Variants in C1QTNF7 observed in about 807,000 individuals in gnomAD.
C1QTNF7 encodes C1q and TNF related 7, also known as complement C1q tumor necrosis factor-related protein 7.
A neutral mutation model predicts 19.6 loss-of-function variants in C1QTNF7; 15 were observed. The ratio of observed to expected loss-of-function variants is 0.76; its 90% confidence interval spans 0.51 to 1.18. The LOEUF is 1.18. C1QTNF7 is among the 50% of genes most tolerant of loss of function. The pLI is 0.00. For missense variants in C1QTNF7, 324 were observed against 359.7 expected (o/e 0.90, Z 0.80); for synonymous variants, 142 against 137.5 (o/e 1.03, Z -0.23).
rs532900237 is a variant in C1QTNF7 at position 15,410,924 on chromosome 4, G to A, written c.14-24812G>A. On this transcript the variant is annotated intron_variant, in intron 1 of 2. Coordinates refer to the C1QTNF7 transcript ENST00000295297. Reference sequence around the variant, plus strand: ...CTGCTACAATATCAACATCAATTTCGAGTTACAACCCAGAAACAAAACAGA... The same window carrying A: ...CTGCTACAATATCAACATCAATTTCAAGTTACAACCCAGAAACAAAACAGA... Among the ~76,000 whole-genome samples, 81 of 152,256 alleles carry A rather than the reference G, an allele frequency of 5.3e-4. 1 individual carries two copies. The highest frequency in any genetic ancestry group is 1.9e-3 in the African/African-American group (80 of 41,550).
chr4:15,417,802 A>C (rs1719656175), intron 1 of C1QTNF7, among the ~76,000 whole-genome samples: 1 of 152,214 alleles, frequency 6.6e-6, no homozygotes, highest in Non-Finnish European at 1.5e-5. Context: ...TGGTGCTGGC[A>C]TCTGCTTCTG....
intron 1 of C1QTNF7, among the ~76,000 whole-genome samples, chr4:15,433,406 T>C (rs1712410707): frequency 6.6e-6 from 1 of 152,100 alleles, no homozygotes; most frequent in Non-Finnish European, 1.5e-5. Context: ...GCCTGCATCA[T>C]GTATCACCAC....
At chr4:15,432,397 A>T (rs1342722265) in intron 1 of C1QTNF7, among the ~76,000 whole-genome samples, 1 of 152,012 alleles carries the variant, frequency 6.6e-6, no homozygotes, top group Non-Finnish European at 1.5e-5. Flanking sequence ...ATTGTTCCTC[A>T]ATTCTTTTTG....
intron 1 of C1QTNF7, among the ~76,000 whole-genome samples, chr4:15,430,114 A>T (rs957731464): frequency 6.6e-6 from 1 of 152,198 alleles, no homozygotes; most frequent in African/African-American, 2.4e-5. Context: ...ACTATATACA[A>T]CATTTCTGCC....
chr4:15,382,860 C>T (rs555516262), intron 1 of C1QTNF7, among the ~76,000 whole-genome samples: 7 of 152,282 alleles, frequency 4.6e-5, no homozygotes, highest in African/African-American at 1.4e-4. Context: ...ACTAAGTATC[C>T]AGCTCTCGGC....
intron 1 of C1QTNF7, chr4:15,374,103 G>A (rs1184729728): frequency 6.6e-6 from 1 of 152,192 alleles, no homozygotes; most frequent in African/African-American, 2.4e-5. Flanking sequence ...TCCAGCCCTT[G>A]CATCTGCCTC....
At chr4:15,432,799 G>A (rs147914423) in intron 1 of C1QTNF7, among the ~76,000 whole-genome samples, 1 of 152,340 alleles carries the variant, frequency 6.6e-6, no homozygotes, top group East Asian at 1.9e-4. Flanking sequence ...TATACAGGCA[G>A]TAGTATTCTT....
chr4:15,398,214 T>G (rs1323383072), intron 1 of C1QTNF7, among the ~76,000 whole-genome samples: 1 of 152,224 alleles, frequency 6.6e-6, no homozygotes, highest in Non-Finnish European at 1.5e-5. Flanking sequence ...GCCATAGCGA[T>G]GACAGCAATT....
At chr4:15,365,364 C>A (rs1199249898) in intron 1 of C1QTNF7, among the ~76,000 whole-genome samples, 1 of 152,040 alleles carries the variant, frequency 6.6e-6, no homozygotes, top group Admixed American at 6.6e-5. Context: ...TATTTCTCAC[C>A]ACTAATTGTT....
intron 1 of C1QTNF7, among the ~76,000 whole-genome samples, chr4:15,353,769 A>G (rs1380791882): frequency 9.6e-6 from 1 of 104,476 alleles, no homozygotes; most frequent in Non-Finnish European, 2.1e-5. Context: ...GAGGAAGATT[A>G]AAAAAAAAAA....
intron 1 of C1QTNF7, among the ~76,000 whole-genome samples, chr4:15,355,784 G>T (rs1717123566): frequency 6.6e-6 from 1 of 152,126 alleles, no homozygotes; most frequent in South Asian, 2.1e-4. Context: ...TAGAAAGTTG[G>T]AGCAGCAGCT....
At chr4:15,369,723 C>T (rs1264988156) in intron 1 of C1QTNF7, among the ~76,000 whole-genome samples, 2 of 152,068 alleles carry the variant, frequency 1.3e-5, no homozygotes, top group East Asian at 3.9e-4. Flanking sequence ...CTTTGTAATC[C>T]TGTGATGAAA....
At chr4:15,388,263 A>G (rs1272779848) in intron 1 of C1QTNF7, among the ~76,000 whole-genome samples, 1 of 152,250 alleles carries the variant, frequency 6.6e-6, no homozygotes, top group Non-Finnish European at 1.5e-5. Flanking sequence ...ATGTAGTATC[A>G]TTGATATGCA....
chr4:15,422,867 C>G (rs191204664), intron 1 of C1QTNF7, among the ~76,000 whole-genome samples: 2 of 152,264 alleles, frequency 1.3e-5, no homozygotes, highest in East Asian at 3.9e-4. Context: ...CCATAGCCCC[C>G]CAAAATGCTG....
upstream of C1QTNF7, among the ~76,000 whole-genome samples, chr4:15,425,154 G>C (rs1386654706): frequency 6.6e-6 from 1 of 152,012 alleles, no homozygotes; most frequent in East Asian, 1.9e-4. Flanking sequence ...CATCATTTGA[G>C]CAAGAGTAGA....
chr4:15,413,781 AGACT>A (rs1719488287), intron 1 of C1QTNF7, among the ~76,000 whole-genome samples: 2 of 152,226 alleles, frequency 1.3e-5, no homozygotes, highest in African/African-American at 4.8e-5. Flanking sequence ...GGATTCAGAG[AGACT>A]GACTGATTGC....
Position 15,422,210 on chromosome 4 carries a change from T to TAAAAAAAA in C1QTNF7, c.14-13519_14-13512dup, listed in dbSNP as rs199592000. ...ATAATCTAATAAACCTGTTTTTTTT[T>TAAAAAAAA]AAAAAAAAAAAAAAGGATATTGCAC... is the stretch of plus-strand genomic sequence containing the variant. On this transcript the variant is annotated intron_variant, in intron 1 of 2. Coordinates refer to the C1QTNF7 transcript ENST00000295297. Among the ~76,000 whole-genome samples the TAAAAAAAA allele has an allele frequency of 4.1e-4, 58 of 142,870 alleles. No individual in the cohort carries two copies. In the South Asian group the frequency reaches 5.9e-3, roughly 15 times the overall value. 93.7% of individuals were successfully genotyped at this position (142,870 alleles called of 152,430 possible).
At chr4:15,408,353 A>G (rs903634943) in intron 1 of C1QTNF7, among the ~76,000 whole-genome samples, 7 of 151,848 alleles carry the variant, frequency 4.6e-5, no homozygotes, top group African/African-American at 1.7e-4. Flanking sequence ...AGATAAGTAT[A>G]TATGTATGTA....
At chr4:15,384,150 T>C (rs1225346237) in intron 1 of C1QTNF7, among the ~76,000 whole-genome samples, 2 of 152,184 alleles carry the variant, frequency 1.3e-5, no homozygotes, top group African/African-American at 2.4e-5. Flanking sequence ...GAGATGACTA[T>C]GATAATGTTT....
Sources: allele counts gnomAD v4.1 joint callset (sites outside exome capture counted in the v4.1 genomes callset), GRCh38; gene constraint gnomAD v4.1.1; transcripts MANE v1.5; gene names NCBI Gene and HGNC (gene_info 2026-07-23, HGNC 2026-07-21).